The following NCKAP5 variants were observed in gnomAD, a reference collection of about 807,000 sequenced individuals.
NCKAP5 encodes NCK associated protein 5.
NCKAP5 carries 92 observed loss-of-function variants against 167.0 expected under a neutral mutation model. That is an observed-to-expected ratio of 0.55 (90% CI 0.47 to 0.66). The LOEUF is 0.66. Ranked by LOEUF, NCKAP5 falls within the 30% of genes least tolerant of loss-of-function variation. The pLI is 0.00. For missense variants in NCKAP5, 2,378 were observed against 2,315.0 expected, an observed-to-expected ratio of 1.03 and a Z score of -0.56; for synonymous variants, 891 against 877.4, an observed-to-expected ratio of 1.02 and a Z score of -0.27.
chr2:133,429,835 C>G (rs1313592504), intron 3 of NCKAP5, among the ~76,000 whole-genome samples: 1 of 152,056 alleles, frequency 6.6e-6, no homozygotes, highest in Non-Finnish European at 1.5e-5. Context: ...TAGGTATATA[C>G]CCAATAATGG....
In NCKAP5 at chr2:132,782,576, C is replaced by T. The variant is rs368087471; in HGVS notation, c.4235G>A (p.Arg1412His). ...AVLGEPGSDR[R>H]SCPPTPTDCP... The stretch of plus-strand genomic sequence containing the variant: ...GTCTGTTGGGGTGGGTGGGCAACTG[C>T]GGCGGTCACTGCCTGGTTCCCCAAG... Residue 1412 changes from arginine to histidine, a missense_variant, in exon 14 of 20, where the codon CGC (arginine) becomes CAC (histidine). Arg to His is a conservative substitution (Grantham distance 29). Transcript: ENST00000409261. 34 of 1,583,146 alleles carry T rather than the reference C, an allele frequency of 2.1e-5. No homozygotes were observed. Among genetic ancestry groups the T allele is most frequent in the Admixed American group, 2.1e-4 (12 of 57,648 alleles).
intron 15 of NCKAP5, among the ~76,000 whole-genome samples, chr2:132,779,039 T>C (rs910652969): frequency 1.3e-5 from 2 of 152,208 alleles, no homozygotes; most frequent in African/African-American, 4.8e-5. Flanking sequence ...GAAAAGCTTC[T>C]CAGCATGACT....
At chr2:133,566,115 A>G (rs1264639299) in intron 1 of NCKAP5, among the ~76,000 whole-genome samples, 1 of 152,140 alleles carries the variant, frequency 6.6e-6, no homozygotes, top group Non-Finnish European at 1.5e-5. Flanking sequence ...CTCCAGAGAG[A>G]AGGGTAATGG....
intron 3 of NCKAP5, among the ~76,000 whole-genome samples, chr2:133,362,637 T>G (rs996877732): frequency 3.3e-5 from 5 of 152,064 alleles, no homozygotes; most frequent in Non-Finnish European, 7.4e-5. Context: ...TCACTAGGAG[T>G]TACAGGGGCT....
intron 11 of NCKAP5, among the ~76,000 whole-genome samples, chr2:132,805,596 A>G (rs1003538118): frequency 4.6e-5 from 7 of 151,690 alleles, no homozygotes; most frequent in Non-Finnish European, 7.4e-5. Context: ...AGATCACTAC[A>G]TTCTTTCCAT....
intron 6 of NCKAP5, among the ~76,000 whole-genome samples, chr2:133,069,353 T>C (rs1370557245): frequency 1.3e-5 from 2 of 152,234 alleles, no homozygotes; most frequent in African/African-American, 4.8e-5. Flanking sequence ...TATCTTGAAC[T>C]CCTTTTGGAC....
At chr2:133,597,102 A>G in the NCKAP5 span, among the ~76,000 whole-genome samples, 1 of 152,204 alleles carries the variant, frequency 6.6e-6, no homozygotes. Flanking sequence ...ACTTGGGAAA[A>G]ACCCTGTCAA....
intron 5 of NCKAP5, among the ~76,000 whole-genome samples, chr2:133,153,935 G>C (rs1381494584): frequency 6.7e-6 from 1 of 148,612 alleles, no homozygotes; most frequent in Non-Finnish European, 1.5e-5. Flanking sequence ...CCCCAAGAAG[G>C]GTTCAAGTGA....
the NCKAP5 span, among the ~76,000 whole-genome samples, chr2:133,626,587 G>A: frequency 7.2e-5 from 11 of 151,874 alleles, no homozygotes; most frequent in African/African-American, 2.7e-4. Flanking sequence ...TGACACAATT[G>A]CAAAAATTTT....
intron 7 of NCKAP5, among the ~76,000 whole-genome samples, chr2:132,977,870 T>C (rs1469216435): frequency 6.6e-6 from 1 of 152,172 alleles, no homozygotes; most frequent in Non-Finnish European, 1.5e-5. Flanking sequence ...TGGTATACTT[T>C]TCGACATTAA....
intron 3 of NCKAP5, among the ~76,000 whole-genome samples, chr2:133,466,740 G>A (rs1233888471): frequency 1.3e-5 from 2 of 152,086 alleles, no homozygotes; most frequent in African/African-American, 4.8e-5. Context: ...CTTGTAAGTT[G>A]GATTCCTAGG....
At chr2:132,827,723 A>G (rs1217234458) in intron 11 of NCKAP5, among the ~76,000 whole-genome samples, 1 of 152,174 alleles carries the variant, frequency 6.6e-6, no homozygotes, top group East Asian at 1.9e-4. Context: ...CATTGTTGTG[A>G]TCACACTAAA....
At chr2:133,201,889 C>T (rs2085708249) in intron 5 of NCKAP5, among the ~76,000 whole-genome samples, 1 of 152,020 alleles carries the variant, frequency 6.6e-6, no homozygotes, top group African/African-American at 2.4e-5. Context: ...TAAAAGAGAA[C>T]ACAAACAAAT....
intron 16 of NCKAP5, among the ~76,000 whole-genome samples, chr2:132,746,488 A>G (rs1679656106): frequency 6.6e-6 from 1 of 152,150 alleles, no homozygotes; most frequent in African/African-American, 2.4e-5. Context: ...TCAATTTCTT[A>G]AATAGAGCAA....
chr2:133,040,543 TC>T (rs1308148647), intron 6 of NCKAP5, among the ~76,000 whole-genome samples: 2 of 152,188 alleles, frequency 1.3e-5, no homozygotes, highest in African/African-American at 4.8e-5. Context: ...ATATGTATGC[TC>T]TTTTTAATTC....
chr2:132,853,211 T>C (rs2105494085), intron 11 of NCKAP5, among the ~76,000 whole-genome samples: 1 of 152,368 alleles, frequency 6.6e-6, no homozygotes, highest in South Asian at 2.1e-4. Context: ...TCAGTGTCAT[T>C]AAATAGCTGA....
At chr2:132,839,539 T>C (rs1227821631) in intron 11 of NCKAP5, among the ~76,000 whole-genome samples, 1 of 151,758 alleles carries the variant, frequency 6.6e-6, no homozygotes, top group South Asian at 2.1e-4. Context: ...GGCGGGCAGA[T>C]TGCTTAAGCG....
At chr2:133,402,071 T>C (rs1408508440) in intron 3 of NCKAP5, among the ~76,000 whole-genome samples, 2 of 151,458 alleles carry the variant, frequency 1.3e-5, no homozygotes, top group Non-Finnish European at 2.9e-5. Flanking sequence ...AAATTTTGTG[T>C]CTTCCTAAAT....
intron 3 of NCKAP5, among the ~76,000 whole-genome samples, chr2:133,353,617 C>T (rs1684511391): frequency 6.6e-6 from 1 of 152,148 alleles, no homozygotes; most frequent in Non-Finnish European, 1.5e-5. Flanking sequence ...GCCTGAGACA[C>T]ACCCCTATCC....
Sources: allele counts gnomAD v4.1 joint callset (sites outside exome capture counted in the v4.1 genomes callset), GRCh38; gene constraint gnomAD v4.1.1; transcripts MANE v1.5; gene names NCBI Gene and HGNC (gene_info 2026-07-23, HGNC 2026-07-21).